The following EXOC6B variants were observed in gnomAD, a reference collection of about 807,000 sequenced individuals.
EXOC6B encodes exocyst complex component 6B.
Under a neutral mutation model 113.5 loss-of-function variants are expected in EXOC6B, and 54 were observed. The ratio of observed to expected loss-of-function variants is 0.48; its 90% confidence interval spans 0.38 to 0.60. The LOEUF (loss-of-function observed/expected upper bound fraction) is 0.60. EXOC6B is among the 20% of genes least tolerant of loss of function. The pLI is 0.00. For missense variants in EXOC6B, 797 were observed against 977.5 expected, an observed-to-expected ratio of 0.82 and a Z score of 2.46; for synonymous variants, 357 against 339.0, an observed-to-expected ratio of 1.05 and a Z score of -0.58.
At chr2:72,537,491 C>A (rs1702363354) in intron 8 of EXOC6B, among the ~76,000 whole-genome samples, 2 of 150,518 alleles carry the variant, frequency 1.3e-5, no homozygotes, top group Non-Finnish European at 3.0e-5. Flanking sequence ...CCTGGCCAGG[C>A]ATGGTGGCAC....
intron 20 of EXOC6B, among the ~76,000 whole-genome samples, chr2:72,249,763 G>A (rs1157728791): frequency 6.6e-6 from 1 of 152,102 alleles, no homozygotes; most frequent in Non-Finnish European, 1.5e-5. Flanking sequence ...AGAAAGCTAT[G>A]TCAATGGTAC....
chr2:72,727,353 CAAGA>C (rs2104759072), intron 5 of EXOC6B, among the ~76,000 whole-genome samples: 1 of 152,076 alleles, frequency 6.6e-6, no homozygotes, highest in East Asian at 1.9e-4. Flanking sequence ...TTAAAGAAAG[CAAGA>C]TCATTCTACA....
chr2:72,618,719 T>G (rs1241204862), intron 6 of EXOC6B, among the ~76,000 whole-genome samples: 1 of 152,254 alleles, frequency 6.6e-6, no homozygotes, highest in Admixed American at 6.5e-5. Context: ...GTGGTACATG[T>G]TGCTGCTTGC....
chr2:72,588,822 C>T (rs995877052), intron 6 of EXOC6B, among the ~76,000 whole-genome samples: 4 of 151,928 alleles, frequency 2.6e-5, no homozygotes, highest in African/African-American at 9.7e-5. Flanking sequence ...ATGATGGACA[C>T]ATAGAGGACA....
Position 72,347,174 on chromosome 2 carries a change from G to T in EXOC6B, c.2123-12154C>A, listed in dbSNP as rs77441633. Among the ~76,000 whole-genome samples the T allele has an allele frequency of 4.8e-3, 731 of 152,096 alleles. 8 individuals are homozygous for T. The highest frequency in any genetic ancestry group is 0.016 in the African/African-American group (679 of 41,492). On this transcript the variant is annotated intron_variant, in intron 19 of 21. Transcript: ENST00000272427. ...AATGCTTCACAATTTTTCAAAATAAGGGTCAATTTCACCATATATCTTTTA... is the reference window on the plus strand; with the variant it reads ...AATGCTTCACAATTTTTCAAAATAATGGTCAATTTCACCATATATCTTTTA...
chr2:72,448,262 A>G (rs2105352767), intron 18 of EXOC6B, among the ~76,000 whole-genome samples: 1 of 152,196 alleles, frequency 6.6e-6, no homozygotes. Flanking sequence ...CTACCATGCT[A>G]CCAAACTGTT....
intron 3 of EXOC6B, 55 bp from the exon 4 acceptor site, chr2:72,731,300 T>G (rs1680632725): frequency 1.5e-6 from 2 of 1,368,396 alleles, no homozygotes; most frequent in Admixed American, 3.8e-5. Flanking sequence ...TAAAAAGCTT[T>G]CAGTCACATT....
At chr2:72,610,513 G>C (rs950045170) in intron 6 of EXOC6B, among the ~76,000 whole-genome samples, 2 of 151,858 alleles carry the variant, frequency 1.3e-5, no homozygotes, top group African/African-American at 4.8e-5. Flanking sequence ...AAAATATGGG[G>C]GTACATTAAG....
At chr2:72,500,114 C>A (rs1700242414) in intron 11 of EXOC6B, 142 bp from the exon 12 acceptor site, 5 of 629,856 alleles carry the variant, frequency 7.9e-6, no homozygotes, top group Non-Finnish European at 1.4e-5. Context: ...TTCAACACTT[C>A]CCTGGTACAA....
chr2:72,694,346 G>A (rs1159726513), intron 6 of EXOC6B, among the ~76,000 whole-genome samples: 1 of 152,150 alleles, frequency 6.6e-6, no homozygotes. Flanking sequence ...GGAAACTGAG[G>A]CAGGAGAATC....
intron 20 of EXOC6B, among the ~76,000 whole-genome samples, chr2:72,305,891 A>G (rs1686823230): frequency 6.6e-6 from 1 of 152,240 alleles, no homozygotes; most frequent in Non-Finnish European, 1.5e-5. Flanking sequence ...CCGAGAAACC[A>G]GTGAAATAAA....
At chr2:72,533,758 A>G (rs1298694250) in intron 8 of EXOC6B, among the ~76,000 whole-genome samples, 1 of 152,204 alleles carries the variant, frequency 6.6e-6, no homozygotes, top group African/African-American at 2.4e-5. Context: ...CACTTCAAAT[A>G]CCAAAATTAA....
chr2:72,824,178 A>T (rs887456760), intron 1 of EXOC6B, among the ~76,000 whole-genome samples: 2 of 151,868 alleles, frequency 1.3e-5, no homozygotes, highest in African/African-American at 4.8e-5. Context: ...TTGACCCCAA[A>T]AGTTTGAGAC....
At chr2:72,650,548 C>A (rs1240276796) in intron 6 of EXOC6B, among the ~76,000 whole-genome samples, 7 of 150,940 alleles carry the variant, frequency 4.6e-5, no homozygotes, top group African/African-American at 1.7e-4. Flanking sequence ...GAGCCGAGAT[C>A]GCGCCACTGC....
chr2:72,495,835 G>C (rs1400931836), intron 14 of EXOC6B, among the ~76,000 whole-genome samples: 1 of 152,072 alleles, frequency 6.6e-6, no homozygotes, highest in Non-Finnish European at 1.5e-5. Flanking sequence ...AATCTCAAAA[G>C]CATTATGTTA....
chr2:72,624,451 C>T (rs1671930312), intron 6 of EXOC6B, among the ~76,000 whole-genome samples: 1 of 152,122 alleles, frequency 6.6e-6, no homozygotes, highest in Non-Finnish European at 1.5e-5. Context: ...ATAAGATGCT[C>T]TGATTTTGAC....
chr2:72,518,886 G>A (rs1406665374), intron 8 of EXOC6B, among the ~76,000 whole-genome samples: 2 of 152,134 alleles, frequency 1.3e-5, no homozygotes. Flanking sequence ...AATCTGAGAC[G>A]TATTTAGGAG....
chr2:72,519,765 G>A (rs1222865329), intron 8 of EXOC6B, among the ~76,000 whole-genome samples: 2 of 152,146 alleles, frequency 1.3e-5, no homozygotes, highest in Non-Finnish European at 2.9e-5. Context: ...ATATTTAATT[G>A]ATGACTTCCA....
chr2:72,369,120 T>C (rs948816112), intron 19 of EXOC6B, among the ~76,000 whole-genome samples: 1 of 152,172 alleles, frequency 6.6e-6, no homozygotes, highest in African/African-American at 2.4e-5. Context: ...AAAACCCCAC[T>C]GTCTCAGCCC....
Sources: allele counts gnomAD v4.1 joint callset (sites outside exome capture counted in the v4.1 genomes callset), GRCh38; gene constraint gnomAD v4.1.1; transcripts MANE v1.5; gene names NCBI Gene and HGNC (gene_info 2026-07-23, HGNC 2026-07-21).